SLC35D2: variants seen among roughly 807,000 people sequenced by gnomAD.
SLC35D2 encodes solute carrier family 35 member D2.
Under a neutral mutation model 41.8 loss-of-function variants are expected in SLC35D2, and 43 were observed. The observed-to-expected ratio is 1.03, with a 90% CI of 0.81 to 1.33. The LOEUF is 1.33. Among genes scored for constraint, SLC35D2 ranks in the 40% most tolerant of loss-of-function variants. The probability of loss-of-function intolerance (pLI) is 0.00; values close to 1 mark genes in which losing one functional copy is unlikely to be tolerated. For missense variants in SLC35D2, 380 were observed against 408.4 expected (o/e 0.93, Z 0.60); for synonymous variants, 150 against 163.9 (o/e 0.92, Z 0.65).
chr9:96,343,854 A>C (rs1829447846), intron 8 of SLC35D2, 50 bp downstream of exon 8: 1 of 1,246,242 alleles, frequency 8.0e-7, no homozygotes. Context: ...TTAAATATTA[A>C]ATTTTTTAAA....
chr9:96,347,594 G>C (rs896407535), intron 6 of SLC35D2, among the ~76,000 whole-genome samples: 2 of 152,036 alleles, frequency 1.3e-5, no homozygotes, highest in African/African-American at 4.8e-5. Context: ...GCCAGGGCTG[G>C]TCTCGAACTC....
chr9:96,362,843 TTC>T (rs141085381), intron 3 of SLC35D2, among the ~76,000 whole-genome samples: 2,807 of 152,000 alleles, frequency 0.018, 78 homozygotes, highest in African/African-American at 0.064. Flanking sequence ...CCTTGTATTT[TTC>T]TCTTTTTCTG....
chr9:96,318,055 G>T (rs1828100737), downstream of SLC35D2, among the ~76,000 whole-genome samples: 1 of 143,572 alleles, frequency 7.0e-6, no homozygotes, highest in Non-Finnish European at 1.5e-5. Flanking sequence ...AAAAGTCTGG[G>T]AGCTCCAAGT....
At chr9:96,350,346 C>CTTTTT (rs1564107383) in intron 6 of SLC35D2, among the ~76,000 whole-genome samples, 111 of 130,528 alleles carry the variant, frequency 8.5e-4, no homozygotes, top group African/African-American at 3.4e-3. Context: ...AATTTTCTTT[C>CTTTTT]CTTTTTTTTT....
chr9:96,335,249 C>T (rs1287569840), intron 9 of SLC35D2, among the ~76,000 whole-genome samples: 3 of 152,282 alleles, frequency 2.0e-5, no homozygotes, highest in African/African-American at 7.2e-5. Context: ...AATGAATGCC[C>T]GCTCAGGGAG....
chr9:96,341,234 C>A (rs1056252991), intron 8 of SLC35D2, among the ~76,000 whole-genome samples: 26 of 152,156 alleles, frequency 1.7e-4, no homozygotes, highest in Admixed American at 1.7e-3. Flanking sequence ...TTTCAGTGAG[C>A]CAAGATCATG....
At chr9:96,345,724 GC>G (rs1308376149) in intron 6 of SLC35D2, among the ~76,000 whole-genome samples, 2 of 152,014 alleles carry the variant, frequency 1.3e-5, no homozygotes, top group Non-Finnish European at 2.9e-5. Flanking sequence ...GGAGTGATTC[GC>G]CCCGATCCAC....
intron 6 of SLC35D2, among the ~76,000 whole-genome samples, chr9:96,347,188 C>G (rs1384151041): frequency 1.3e-5 from 2 of 152,180 alleles, no homozygotes; most frequent in Non-Finnish European, 2.9e-5. Flanking sequence ...ACATGTGATT[C>G]AGCGTGAAGA....
intron 9 of SLC35D2, 83 bp downstream of exon 9, chr9:96,336,634 C>T (rs2130881306): frequency 1.2e-6 from 1 of 827,624 alleles, no homozygotes. Context: ...GGAATTCTGA[C>T]AGAATAGACA....
Position 96,328,038 on chromosome 9 carries a change from A to C in SLC35D2, c.753-3869T>G, listed in dbSNP as rs115769593. 6.6e-3 allele frequency among the ~76,000 whole-genome samples: 1,010 copies of C among 152,284 alleles called. 13 individuals carry two copies. Among genetic ancestry groups the C allele is most frequent in the African/African-American group, 0.023 (959 of 41,552 alleles). On this transcript the variant is annotated intron_variant, in intron 9 of 11. Transcript: ENST00000253270. ...GAATCTATTTCTATATGCAAAAAAA[A>C]CTTGCATAGTTCTTTGGCCAAAACC...
Position 96,345,298 on chromosome 9 carries a change from C to A in SLC35D2, c.591+1G>T, listed in dbSNP as rs147792002. The stretch of plus-strand genomic sequence containing the variant: ...AAAAAGCCATAGGCAAGGTCTGGTA[C>A]CTTTGGGTCCATTTTCTGTTTGGTA... On this transcript the variant is annotated splice_donor_variant, in intron 7 of 11. Coordinates refer to ENST00000253270, the MANE Select transcript of SLC35D2 (RefSeq NM_007001.3). LOFTEE classifies it high-confidence loss of function. The A allele has an allele frequency of 2.2e-5, 34 of 1,574,374 alleles. No homozygotes were observed. In the East Asian group the frequency reaches 3.4e-4, roughly 16 times the overall value.
At chr9:96,328,942 G>A (rs576186443) in intron 9 of SLC35D2, among the ~76,000 whole-genome samples, 1 of 152,112 alleles carries the variant, frequency 6.6e-6, no homozygotes, top group Non-Finnish European at 1.5e-5. Context: ...ACAACAATTA[G>A]CTGGGCTTGG....
intron 4 of SLC35D2, among the ~76,000 whole-genome samples, chr9:96,355,310 C>T (rs1015464430): frequency 6.6e-5 from 10 of 151,270 alleles, no homozygotes; most frequent in African/African-American, 1.5e-4. Flanking sequence ...TAAGCCACCA[C>T]GCCAAGCCAA....
At chr9:96,353,230 G>A (rs1292482189) in intron 4 of SLC35D2, among the ~76,000 whole-genome samples, 1 of 151,938 alleles carries the variant, frequency 6.6e-6, no homozygotes, top group African/African-American at 2.4e-5. Flanking sequence ...CTATAACTCT[G>A]TAATACAAAT....
At chr9:96,316,492 C>CAAA (rs148816828), downstream of SLC35D2, among the ~76,000 whole-genome samples, 1 of 145,890 alleles carries the variant, frequency 6.9e-6, no homozygotes, top group Admixed American at 6.8e-5. Flanking sequence ...CTCAAAAAAA[C>CAAA]AAAAAAAAAA....
chr9:96,346,713 G>C (rs567422425), intron 6 of SLC35D2, among the ~76,000 whole-genome samples: 2 of 151,888 alleles, frequency 1.3e-5, no homozygotes, highest in East Asian at 3.9e-4. Flanking sequence ...AAATCTGAAT[G>C]CAAATTAAAT....
At chr9:96,325,649 G>A (rs1170698032) in intron 9 of SLC35D2, among the ~76,000 whole-genome samples, 1 of 152,182 alleles carries the variant, frequency 6.6e-6, no homozygotes, top group Non-Finnish European at 1.5e-5. Context: ...TCCAGCCTGG[G>A]TGACAGGGCG....
chr9:96,317,626 T>A (rs1057219485), downstream of SLC35D2, among the ~76,000 whole-genome samples: 6 of 152,170 alleles, frequency 3.9e-5, no homozygotes, highest in East Asian at 3.8e-4. Flanking sequence ...AAGATTTTTT[T>A]AAAAAATTGG....
At chr9:96,363,939 T>C (rs1292519917) in intron 3 of SLC35D2, among the ~76,000 whole-genome samples, 3 of 152,226 alleles carry the variant, frequency 2.0e-5, no homozygotes, top group Non-Finnish European at 4.4e-5. Context: ...TATTCATTTA[T>C]TTGATGTCAG....
Sources: allele counts gnomAD v4.1 joint callset (sites outside exome capture counted in the v4.1 genomes callset), GRCh38; gene constraint gnomAD v4.1.1; transcripts MANE v1.5; gene names NCBI Gene and HGNC (gene_info 2026-07-23, HGNC 2026-07-21).